UBN2: variants seen among roughly 807,000 people sequenced by gnomAD.
UBN2 encodes ubinuclein-2.
In UBN2, 35 loss-of-function variants were observed where a neutral mutation model predicts 120.2. The observed-to-expected ratio is 0.29, with a 90% confidence interval of 0.22 to 0.39. UBN2 has a LOEUF of 0.39. UBN2 is among the 10% of genes least tolerant of loss of function. The probability of loss-of-function intolerance (pLI) is 1.00; values close to 1 mark genes in which losing one functional copy is unlikely to be tolerated. For synonymous variants in UBN2, 661 were observed against 648.7 expected (o/e 1.02, Z -0.29); for missense variants, 1,693 against 1,663.2 (o/e 1.02, Z -0.31).
the UBN2 span, among the ~76,000 whole-genome samples, chr7:139,322,256 GA>G: frequency 1.3e-5 from 2 of 152,184 alleles, no homozygotes; most frequent in African/African-American, 4.8e-5. Flanking sequence ...TTACAGGCAT[GA>G]GCCACCATGC....
chr7:139,235,506 A>C (rs1287698225), intron 1 of UBN2, among the ~76,000 whole-genome samples: 2 of 152,156 alleles, frequency 1.3e-5, no homozygotes, highest in African/African-American at 2.4e-5. Context: ...TCCCAGGTTC[A>C]AGCGATTCTC....
Position 139,307,595 on chromosome 7 carries a change from GTTTAA to G in UBN2, c.*9763_*9767del, listed in dbSNP as rs956330885. Reference sequence around the variant, plus strand: ...GCTCTTTTGAGATGAACTGGTGCTTGTTTAATTTCCAGCTCAAATCGGAGCAGGAA... The same window carrying G: ...GCTCTTTTGAGATGAACTGGTGCTTGTTTCCAGCTCAAATCGGAGCAGGAA... On this transcript the variant is annotated 3_prime_UTR_variant, in exon 18 of 18. Transcript: ENST00000473989. 1 of 152,258 alleles carries G rather than the reference GTTTAA, an allele frequency of 6.6e-6. No individual in the cohort carries two copies. The highest frequency in any genetic ancestry group is 6.5e-5 in the Admixed American group (1 of 15,276). 9.4% of individuals were successfully genotyped at this position (152,258 alleles called of 1,614,324 possible). A position where few individuals can be genotyped will look rare whatever the true frequency, so the allele number is the denominator to read the frequency against.
In UBN2 at chr7:139,250,850, T is replaced by C. The variant is rs992056815; in HGVS notation, c.562-1106T>C. Among the ~76,000 whole-genome samples the C allele has an allele frequency of 2.1e-4, 32 of 152,324 alleles. 1 individual carries two copies. The highest frequency in any genetic ancestry group is 7.7e-4 in the African/African-American group (32 of 41,568). ...GGCTGGACCCAGTGGCTCACACCTA[T>C]AATCCCAGCACTTTGGGAGGCTGAG... On this transcript the variant is annotated intron_variant, in intron 2 of 17. Transcript: ENST00000473989.
chr7:139,292,127 G>A (rs114562845), intron 15 of UBN2, among the ~76,000 whole-genome samples: 6,265 of 152,102 alleles, frequency 0.041, 209 homozygotes, highest in African/African-American at 0.087. Context: ...AGTGGCATGT[G>A]CCTGTAGTCT....
the UBN2 span, among the ~76,000 whole-genome samples, chr7:139,317,818 A>G: frequency 6.6e-6 from 1 of 152,106 alleles, no homozygotes; most frequent in Non-Finnish European, 1.5e-5. Context: ...GCCCGCCACC[A>G]TGCCCAGGTA....
chr7:139,269,643 C>CTCCT, intron 8 of UBN2, 120 bp downstream of exon 8: 18 of 1,086,094 alleles, frequency 1.7e-5, no homozygotes, highest in Admixed American at 3.0e-5. Context: ...ATTTAATAAC[C>CTCCT]ATAGGAGGTT....
At chr7:139,244,123 T>A (rs976387561) in intron 2 of UBN2, among the ~76,000 whole-genome samples, 1 of 152,198 alleles carries the variant, frequency 6.6e-6, no homozygotes, top group African/African-American at 2.4e-5. Flanking sequence ...ACACTGTGAG[T>A]TTCTTGCCCC....
At chr7:139,240,454 A>ATATTTTTTTT (rs371717591) in intron 2 of UBN2, among the ~76,000 whole-genome samples, 6 of 123,108 alleles carry the variant, frequency 4.9e-5, no homozygotes, top group African/African-American at 1.9e-4. Flanking sequence ...ATATATATAT[A>ATATTTTTTTT]TTTTTTTTTT....
the UBN2 span, among the ~76,000 whole-genome samples, chr7:139,314,386 CAGAG>C: frequency 9.1e-3 from 1,381 of 151,732 alleles, 27 homozygotes; most frequent in African/African-American, 0.032. Context: ...ACCCGGGAGG[CAGAG>C]AGAGGTTGCA....
chr7:139,273,994 C>A lies in UBN2; in HGVS notation c.1893C>A (p.Ser631Arg). The change falls in exon 11 of 18, where the codon AGC (serine) becomes AGA (arginine). Residue 631 changes from serine to arginine, a missense_variant. Transcript: ENST00000473989. The part of the protein sequence containing the change: ...LGCYELEPNK[S>R]QSAEDYLKSF... The stretch of plus-strand genomic sequence containing the variant: ...GCTATGAGTTAGAACCAAATAAAAG[C>A]CAGTCTGCTGAAGATTATCTTAAGT... 6.2e-7 allele frequency: 1 copy of A among 1,613,672 alleles called. No homozygotes were observed.
Position 139,265,543 on chromosome 7 carries a change from C to T in UBN2, c.1396-790C>T, listed in dbSNP as rs578061898. ...TCCATATTCTAATCCTTGGAATCTG[C>T]GAATGTTATTTTATATGGCAAAAGA... On this transcript the variant is annotated intron_variant, in intron 6 of 17. Transcript: ENST00000473989. Among the ~76,000 whole-genome samples, 52 of 152,082 alleles carry T rather than the reference C, an allele frequency of 3.4e-4. 1 individual carries two copies. In the South Asian group the frequency reaches 7.7e-3, roughly 22 times the overall value.
chr7:139,238,157 C>G (rs191979935), intron 2 of UBN2, among the ~76,000 whole-genome samples: 2 of 152,164 alleles, frequency 1.3e-5, no homozygotes, highest in African/African-American at 4.8e-5. Context: ...CACCTTACCC[C>G]TCTGATTCCT....
the UBN2 span, among the ~76,000 whole-genome samples, chr7:139,329,651 C>T: frequency 6.6e-6 from 1 of 152,042 alleles, no homozygotes; most frequent in Non-Finnish European, 1.5e-5. Context: ...GGCGTGAGAG[C>T]ATTCTTACGT....
At chr7:139,310,995 A>G (rs1798440113), downstream of UBN2, among the ~76,000 whole-genome samples, 1 of 152,220 alleles carries the variant, frequency 6.6e-6, no homozygotes, top group Non-Finnish European at 1.5e-5. Context: ...ATATATTGCA[A>G]ACAGTCAAAA....
intron 15 of UBN2, among the ~76,000 whole-genome samples, chr7:139,285,032 C>T (rs981263406): frequency 1.3e-5 from 2 of 152,108 alleles, no homozygotes; most frequent in Admixed American, 1.3e-4. Flanking sequence ...TTTATACATT[C>T]ATGTTATTTT....
chr7:139,275,057 C>T (rs947085008), intron 11 of UBN2, among the ~76,000 whole-genome samples: 31 of 151,992 alleles, frequency 2.0e-4, no homozygotes, highest in African/African-American at 7.5e-4. Flanking sequence ...GCTGGTGGAT[C>T]ACCTGAGGTC....
intron 12 of UBN2, among the ~76,000 whole-genome samples, chr7:139,277,922 T>G (rs1318595377): frequency 6.6e-6 from 1 of 152,142 alleles, no homozygotes; most frequent in Non-Finnish European, 1.5e-5. Context: ...ACAACAATAA[T>G]AAAAGAGAAC....
chr7:139,241,705 T>A (rs937895378), intron 2 of UBN2, among the ~76,000 whole-genome samples: 5 of 151,798 alleles, frequency 3.3e-5, no homozygotes, highest in African/African-American at 1.2e-4. Context: ...AGAATAAGAA[T>A]AATAAAATCA....
chr7:139,248,077 T>A (rs1796520142), intron 2 of UBN2, among the ~76,000 whole-genome samples: 1 of 152,202 alleles, frequency 6.6e-6, no homozygotes, highest in South Asian at 2.1e-4. Flanking sequence ...TTGTTTTAAG[T>A]TACTTGAAGA....
Sources: allele counts gnomAD v4.1 joint callset (sites outside exome capture counted in the v4.1 genomes callset), GRCh38; gene constraint gnomAD v4.1.1; transcripts MANE v1.5; gene names NCBI Gene and HGNC (gene_info 2026-07-23, HGNC 2026-07-21).